The following DNAH5 variants were observed in gnomAD, a reference collection of about 807,000 sequenced individuals.
DNAH5 encodes axonemal beta dynein heavy chain 5.
In DNAH5, 372 loss-of-function variants were observed where a neutral mutation model predicts 518.2. The observed-to-expected ratio is 0.72, with a 90% confidence interval of 0.66 to 0.78. The LOEUF is 0.78. Ranked by LOEUF, DNAH5 falls within the 30% of genes least tolerant of loss-of-function variation. DNAH5 has a pLI of 0.00. For synonymous variants in DNAH5, 2,039 were observed against 2,025.9 expected, an observed-to-expected ratio of 1.01 and a Z score of -0.17; for missense variants, 5,523 against 5,687.0, an observed-to-expected ratio of 0.97 and a Z score of 0.93.
chr5:13,841,473 T>C (rs1242096869), intron 33 of DNAH5, among the ~76,000 whole-genome samples: 1 of 152,216 alleles, frequency 6.6e-6, no homozygotes. Flanking sequence ...ATACATCAAA[T>C]ATATCTATAA....
chr5:13,795,654 T>G (rs1757713012), intron 47 of DNAH5, among the ~76,000 whole-genome samples: 1 of 152,226 alleles, frequency 6.6e-6, no homozygotes, highest in Non-Finnish European at 1.5e-5. Context: ...TTTCTGAAAC[T>G]ATTCCAATCA....
chr5:13,725,008 T>A (rs998705025), intron 70 of DNAH5, among the ~76,000 whole-genome samples: 3 of 152,204 alleles, frequency 2.0e-5, no homozygotes, highest in Admixed American at 2.0e-4. Flanking sequence ...ATTCACCTCA[T>A]GCAACAGATA....
chr5:13,786,166 G>C lies in DNAH5; in HGVS notation c.8820+13C>G, dbSNP rs376489412. 5 of 1,613,516 alleles carry C rather than the reference G, an allele frequency of 3.1e-6. No homozygotes were observed. Among genetic ancestry groups the C allele is most frequent in the Non-Finnish European group, 4.2e-6 (5 of 1,179,790 alleles). ...TCACCTCCACAAGGCACTACTCAGA[G>C]TGGCTACTGTACCTTGACTAAGTGA... On this transcript the variant is annotated intron_variant, in intron 52 of 78. Transcript: ENST00000265104.
In DNAH5 at chr5:13,829,665, A is replaced by G. The variant is rs1485379546; in HGVS notation, c.6289T>C (p.Leu2097=). The stretch of plus-strand genomic sequence containing the variant: ...GCCACTGAGCGGAAATTAATCTTCA[A>G]GTTTTCAGGGAGTTCCTGCCGTCCG... ...YAGRQELPEN[L]KINFRSVAMM... Residue 2097 remains leucine, a synonymous_variant, in exon 38 of 79, where the codon TTG becomes CTG. Coordinates refer to ENST00000265104, the MANE Select transcript of DNAH5 (RefSeq NM_001369.3). 6.2e-7 allele frequency: 1 copy of G among 1,614,212 alleles called. No individual in the cohort carries two copies. The highest frequency in any genetic ancestry group is 1.7e-5 in the Admixed American group (1 of 60,020).
chr5:13,833,142 A>G (rs1172638164), intron 35 of DNAH5, among the ~76,000 whole-genome samples: 1 of 125,144 alleles, frequency 8.0e-6, no homozygotes, highest in Non-Finnish European at 1.7e-5. Context: ...AAAAAAAAAA[A>G]AGAATGTGTT....
intron 66 of DNAH5, among the ~76,000 whole-genome samples, 189 bp downstream of exon 66, chr5:13,737,063 G>C (rs1482698752): frequency 6.6e-6 from 1 of 152,040 alleles, no homozygotes; most frequent in Non-Finnish European, 1.5e-5. Context: ...CAAGTACCCA[G>C]GAAATTTATA....
rs776530999 is a variant in DNAH5 at position 13,700,659 on chromosome 5, C to G, written c.13704G>C (p.Arg4568Ser). 2.5e-6 allele frequency: 4 copies of G among 1,614,010 alleles called. No homozygotes were observed. In the African/African-American group the frequency reaches 5.3e-5, roughly 22 times the overall value. Residue 4568 changes from arginine to serine, a missense_variant, in exon 78 of 79, where the codon AGG (arginine) becomes AGC (serine). Coordinates refer to ENST00000265104, the MANE Select transcript of DNAH5 (RefSeq NM_001369.3). ...KVLFELMPVI[R>S]IYAENNTLRD... Reference sequence around the variant, plus strand: ...ACTTACTATTGTTTTCTGCATAAATCCTTATGACAGGCATCAACTCAAAGA... The same window carrying G: ...ACTTACTATTGTTTTCTGCATAAATGCTTATGACAGGCATCAACTCAAAGA...
chr5:13,715,528 A>G (rs901772563), intron 74 of DNAH5, among the ~76,000 whole-genome samples: 4 of 152,250 alleles, frequency 2.6e-5, no homozygotes, highest in Non-Finnish European at 4.4e-5. Context: ...AGGCGGTAAT[A>G]TATGATAAAC....
At position 13,762,919 on chromosome 5, in the gene DNAH5, AAAAT is replaced by A. The variant is rs765743955; in HGVS notation, c.10102-22_10102-19del. The A allele has an allele frequency of 2.9e-5, 47 of 1,607,924 alleles. 1 individual carries two copies. Among genetic ancestry groups the A allele is most frequent in the Non-Finnish European group, 3.7e-5 (44 of 1,174,970 alleles). On this transcript the variant is annotated intron_variant, in intron 59 of 78. Coordinates refer to ENST00000265104, the MANE Select transcript of DNAH5 (RefSeq NM_001369.3). ...GGGAATTGCTATGGAAGAAAAGAGT[AAAAT>A]AAAGTCGAAACACTTCTTTCCATAA...
chr5:13,718,866 G>A lies in DNAH5; in HGVS notation c.12499+16C>T, dbSNP rs1386067165. 2.5e-6 allele frequency: 4 copies of A among 1,593,544 alleles called. No homozygotes were observed. The highest frequency in any genetic ancestry group is 4.5e-5 in the East Asian group (2 of 44,782). On this transcript the variant is annotated intron_variant, in intron 72 of 78. Transcript: ENST00000265104. ...TAAGGAAACTCCTGTAGACTCGCAA[G>A]TATTTCTGGACTCACCACTATATGT... is the stretch of plus-strand genomic sequence containing the variant.
At chr5:13,823,634 A>C (rs1762518021) in intron 39 of DNAH5, among the ~76,000 whole-genome samples, 2 of 152,212 alleles carry the variant, frequency 1.3e-5, no homozygotes, top group African/African-American at 4.8e-5. Flanking sequence ...TCCATAAAAT[A>C]GTCAGTTTTG....
At chr5:13,774,292 G>A (rs1395786127) in intron 55 of DNAH5, among the ~76,000 whole-genome samples, 2 of 152,008 alleles carry the variant, frequency 1.3e-5, no homozygotes, top group African/African-American at 4.8e-5. Context: ...AAAAGGGGAG[G>A]TGTTGATGAC....
At chr5:14,010,415 C>T (rs1277388376) in intron 1 of DNAH5, among the ~76,000 whole-genome samples, 1 of 152,014 alleles carries the variant, frequency 6.6e-6, no homozygotes, top group Non-Finnish European at 1.5e-5. Context: ...AATAGCCATG[C>T]TTTATATCCT....
intron 29 of DNAH5, chr5:13,860,229 C>T (rs1457950425): frequency 1.3e-5 from 2 of 152,616 alleles, no homozygotes; most frequent in African/African-American, 4.8e-5. Context: ...CTCCCAATGT[C>T]CTTTTTTCCT....
At position 13,922,230 on chromosome 5, in the gene DNAH5, C is replaced by T. The variant is rs370805321; in HGVS notation, c.537G>A (p.Thr179=). ...CCTCGAGCTCGCCCCAGCCATGGCT[C>T]GTGGCTCTGAGAGCAGGAATGAAGA... ...SDIFIPALRA[T]SHGWGELEGL... Residue 179 remains threonine (T), a synonymous_variant, in exon 5 of 79, where the codon ACG becomes ACA. Transcript: ENST00000265104. 114 of 1,613,792 alleles carry T rather than the reference C, an allele frequency of 7.1e-5. 1 individual carries two copies. Among genetic ancestry groups the T allele is most frequent in the East Asian group, 5.6e-4 (25 of 44,826 alleles).
chr5:13,836,192 A>T (rs1021855450), intron 35 of DNAH5, among the ~76,000 whole-genome samples: 1 of 152,198 alleles, frequency 6.6e-6, no homozygotes, highest in Non-Finnish European at 1.5e-5. Flanking sequence ...CAACAGCAGG[A>T]GGGCACTTTT....
rs137949961 is a variant in DNAH5, at chr5:13,777,308, C to T, written c.8999G>A (p.Arg3000Gln). 334 of 1,613,260 alleles carry T rather than the reference C, an allele frequency of 2.1e-4. No individual in the cohort carries two copies. The highest frequency in any genetic ancestry group is 2.4e-4 in the Non-Finnish European group (282 of 1,179,598). Residue 3000 changes from arginine (R) to glutamine (Q), a missense_variant, in exon 54 of 79, where the codon CGA becomes CAA. This residue lies in a region of DNAH5 where 5,121 missense variants were observed against 5,223.3 expected (regional missense o/e 0.98). Coordinates refer to ENST00000265104, the MANE Select transcript of DNAH5 (RefSeq NM_001369.3). ...TCCTTTGCCTTGCTGACCAGCTGTT[C>T]GATACAAAACCTTCAGATCTTCCAT... is the stretch of plus-strand genomic sequence containing the variant. ...NLMEDLKVLY[R>Q]TAGQQGKGIT...
At position 13,865,670 on chromosome 5, in the gene DNAH5, G is replaced by A. The variant is rs2151910642; in HGVS notation, c.4353C>T (p.Asn1451=). 2 of 1,543,998 alleles carry A rather than the reference G, an allele frequency of 1.3e-6. No homozygotes were observed. The highest frequency in any genetic ancestry group is 1.8e-6 in the Non-Finnish European group (2 of 1,116,346). Residue 1451 remains asparagine, a splice_region_variant and synonymous_variant, in exon 27 of 79, where the codon AAC becomes AAT. Coordinates refer to ENST00000265104, the MANE Select transcript of DNAH5 (RefSeq NM_001369.3). ...ATGCTAAACATTTAATTTCTTACCT[G>A]TTCTGGAATTCTAAGAGTTCATTGT... ...KINNELLEFQ[N]RCRKLPRALK... is the part of the protein sequence containing the mutation.
Position 13,971,247 on chromosome 5 carries a change from T to G in DNAH5, c.13-40003A>C, listed in dbSNP as rs1173948662. Reference sequence around the variant, plus strand: ...GGTGCCTCCTTGAGTAGCTTTATAATTGATCTTCTGAATTCTTTTTCTGGT... The same window carrying G: ...GGTGCCTCCTTGAGTAGCTTTATAAGTGATCTTCTGAATTCTTTTTCTGGT... On this transcript the variant is annotated intron_variant, in intron 1 of 78. Coordinates refer to the DNAH5 transcript ENST00000681290. Among the ~76,000 whole-genome samples, 4 of 152,332 alleles carry G rather than the reference T, an allele frequency of 2.6e-5. No homozygotes were observed. The East Asian group carries it at 7.7e-4, about 29-fold the overall frequency.
Sources: allele counts gnomAD v4.1 joint callset (sites outside exome capture counted in the v4.1 genomes callset), GRCh38; gene constraint gnomAD v4.1.1; regional missense constraint gnomAD v4.1.1; transcripts MANE v1.5; gene names NCBI Gene and HGNC (gene_info 2026-07-23, HGNC 2026-07-21).